Variants in SHC2 observed in about 807,000 individuals in gnomAD.
The protein encoded by SHC2 is SHC-transforming protein 2.
SHC2 carries 62 observed loss-of-function variants against 60.6 expected under a neutral mutation model. The ratio of observed to expected loss-of-function variants is 1.02; its 90% CI spans 0.83 to 1.26. The LOEUF (loss-of-function observed/expected upper bound fraction) is 1.26. Ranked by LOEUF, SHC2 falls within the 50% of genes most tolerant of loss-of-function variation. The pLI, the probability that SHC2 is intolerant of heterozygous loss-of-function variation, is 0.00. For missense variants in SHC2, 873 were observed against 822.2 expected (o/e 1.06, Z -0.76); for synonymous variants, 375 against 372.4 (o/e 1.01, Z -0.08).
chr19:450,199 C>A (rs1041038394), intron 1 of SHC2, among the ~76,000 whole-genome samples: 2 of 152,260 alleles, frequency 1.3e-5, no homozygotes, highest in East Asian at 3.9e-4. Context: ...ACAATGACAC[C>A]GAACTGTCCC....
At chr19:457,130 A>G (rs1600330841) in intron 1 of SHC2, among the ~76,000 whole-genome samples, 1 of 139,068 alleles carries the variant, frequency 7.2e-6, no homozygotes, top group African/African-American at 2.8e-5. Flanking sequence ...TGCCCCGACT[A>G]GAACTCTGTC....
In SHC2 at chr19:424,193, C is replaced by A. The variant is rs1974351096; in HGVS notation, c.1309+904G>T. ...GAGGCTGCAGGAAATCAGGAGAGAACTCTGGACACCTCAGCCAAGGAAGGA... is the reference window on the plus strand; with the variant it reads ...GAGGCTGCAGGAAATCAGGAGAGAAATCTGGACACCTCAGCCAAGGAAGGA... On this transcript the variant is annotated intron_variant, in intron 10 of 12. Transcript: ENST00000264554. This position sits in a 1 kb window ranked among gnomAD's most constrained non-coding sequence, Gnocchi z 4.5. Among the ~76,000 whole-genome samples, 1 of 152,200 alleles carries A rather than the reference C, an allele frequency of 6.6e-6. No homozygotes were observed. Among genetic ancestry groups the A allele is most frequent in the African/African-American group, 2.4e-5 (1 of 41,456 alleles).
intron 12 of SHC2, among the ~76,000 whole-genome samples, chr19:417,833 AGGCCGC>A (rs1974187565): frequency 6.6e-6 from 1 of 151,950 alleles, no homozygotes; most frequent in Non-Finnish European, 1.5e-5. Context: ...GGCTGGGTGG[AGGCCGC>A]GGCCGCATAG....
chr19:437,989 T>G (rs746955108), intron 4 of SHC2, among the ~76,000 whole-genome samples: 35 of 152,250 alleles, frequency 2.3e-4, no homozygotes, highest in Non-Finnish European at 3.8e-4. Flanking sequence ...TAGTTTTTTG[T>G]TTTTTGGTTT....
At chr19:421,692 G>A (rs1373875174) in intron 11 of SHC2, among the ~76,000 whole-genome samples, 1 of 152,174 alleles carries the variant, frequency 6.6e-6, no homozygotes, top group Non-Finnish European at 1.5e-5. Context: ...GCCAAGGCAG[G>A]AGGATCACTT....
rs1270916335 is a variant in SHC2, at chr19:424,106, G to A, written c.1309+991C>T. On this transcript the variant is annotated intron_variant, in intron 10 of 12. Coordinates refer to ENST00000264554, the MANE Select transcript of SHC2 (RefSeq NM_012435.3). The surrounding 1 kb of genome is among the most constrained non-coding windows in gnomAD (Gnocchi z 4.5). ...TAGCTTGGGAGGCATCCTGAGCTCA[G>A]GCAAGGACCCTACCCGGCAGCTCAG... Among the ~76,000 whole-genome samples, 2 of 152,188 alleles carry A rather than the reference G, an allele frequency of 1.3e-5. No homozygotes were observed. The highest frequency in any genetic ancestry group is 2.9e-5 in the Non-Finnish European group (2 of 68,040).
chr19:451,227 G>A (rs1975185861), intron 1 of SHC2, among the ~76,000 whole-genome samples: 2 of 103,636 alleles, frequency 1.9e-5, no homozygotes, highest in Admixed American at 1.0e-4. Flanking sequence ...CCACGCCGTG[G>A]CCACGTCATA....
Position 422,369 on chromosome 19 carries a change from G to A in SHC2, c.1397C>T (p.Pro466Leu). 3.7e-6 allele frequency: 6 copies of A among 1,604,032 alleles called. No homozygotes were observed. Among genetic ancestry groups the A allele is most frequent in the Non-Finnish European group, 5.1e-6 (6 of 1,176,116 alleles). Residue 466 changes from proline (P) to leucine (L), a missense_variant, in exon 11 of 13, where the codon CCC (proline) becomes CTC (leucine). Pro to Leu is a moderately conservative substitution (Grantham distance 98). Coordinates refer to ENST00000264554, the MANE Select transcript of SHC2 (RefSeq NM_012435.3). This position sits in a 1 kb window ranked among gnomAD's most constrained non-coding sequence, Gnocchi z 5.0. ...AGGGGCCCGGCGGGTAGGGGGGCTG[G>A]GCCACTGGTCCTCCAAGGGAAGAGG... ...AAPLPLEDQW[P>L]SPPTRRAPVA...
Position 445,624 on chromosome 19 carries a change from G to A in SHC2, c.469-4692C>T, listed in dbSNP as rs1975034228. On this transcript the variant is annotated intron_variant, in intron 1 of 12. Transcript: ENST00000264554. The surrounding 1 kb of genome is among the most constrained non-coding windows in gnomAD (Gnocchi z 4.4). ...TGGTGAGTGTGGGCCTGTGGTCCCA[G>A]CTACTCAGGAGGCTGAGGTGGGAGG... Among the ~76,000 whole-genome samples, 1 of 152,210 alleles carries A rather than the reference G, an allele frequency of 6.6e-6. No individual in the cohort carries two copies. The highest frequency in any genetic ancestry group is 6.5e-5 in the Admixed American group (1 of 15,286).
chr19:426,931 TG>T (rs2145699087), intron 9 of SHC2, among the ~76,000 whole-genome samples: 1 of 151,938 alleles, frequency 6.6e-6, no homozygotes, highest in Admixed American at 6.6e-5. Context: ...ACCCGCGCTA[TG>T]GGCACATTTG....
chr19:423,157 C>G lies in SHC2; in HGVS notation c.1310-701G>C, dbSNP rs141140179. ...CCCTGACCCTCACTCCCTGGTCTCC[C>G]GCCCCTCCAGCTCCTGGTCCTGGGG... On this transcript the variant is annotated intron_variant, in intron 10 of 12. Coordinates refer to ENST00000264554, the MANE Select transcript of SHC2 (RefSeq NM_012435.3). Among the ~76,000 whole-genome samples the G allele has an allele frequency of 5.0e-3, 617 of 124,518 alleles. 2 individuals carry two copies. The highest frequency in any genetic ancestry group is 0.037 in the East Asian group (119 of 3,198). The allele number at this position is 124,518 out of a possible 152,430, so 81.7% of individuals were successfully genotyped here. A position where few individuals can be genotyped will look rare whatever the true frequency, so the allele number is the denominator to read the frequency against.
chr19:427,956 G>C (rs1261222643), intron 9 of SHC2, among the ~76,000 whole-genome samples: 1 of 150,674 alleles, frequency 6.6e-6, no homozygotes, highest in Admixed American at 6.6e-5. Flanking sequence ...TGGCACAGGG[G>C]AGGGGACGGC....
At chr19:427,070 C>T (rs879256579) in intron 9 of SHC2, among the ~76,000 whole-genome samples, 3 of 152,232 alleles carry the variant, frequency 2.0e-5, no homozygotes, top group Non-Finnish European at 4.4e-5. Context: ...CCCAGAGGAA[C>T]GTGCGCCAGG....
Position 460,838 on chromosome 19 carries a change from C to A in SHC2, c.159G>T (p.Ala53=), listed in dbSNP as rs1386241955. 1.0e-6 allele frequency: 1 copy of A among 983,712 alleles called. No individual in the cohort carries two copies. Among genetic ancestry groups the A allele is most frequent in the Non-Finnish European group, 1.2e-6 (1 of 830,640 alleles). The allele number at this position is 983,712 out of a possible 1,614,324, so 60.9% of individuals were successfully genotyped here. ...FLGRGPAAAR[A]AGASGGADPQ... ...GGTCCGCGCCCCCCGAGGCCCCAGC[C>A]GCCCGCGCCGCCGCCGGGCCGCGGC... is the stretch of plus-strand genomic sequence containing the variant. The change falls in exon 1 of 13, where the codon GCG becomes GCT. Residue 53 remains alanine, a synonymous_variant. Transcript: ENST00000264554.
chr19:429,523 G>A (rs1974510839), intron 9 of SHC2, among the ~76,000 whole-genome samples: 1 of 149,090 alleles, frequency 6.7e-6, no homozygotes, highest in Non-Finnish European at 1.5e-5. Flanking sequence ...CTAACACCGT[G>A]TGGATGACGC....
At chr19:444,646 G>A (rs1975007185) in intron 1 of SHC2, among the ~76,000 whole-genome samples, 1 of 152,198 alleles carries the variant, frequency 6.6e-6, no homozygotes, top group African/African-American at 2.4e-5. Flanking sequence ...GATCAGCCAG[G>A]TAAACACACG....
chr19:420,485 G>A (rs1366234764), intron 11 of SHC2, among the ~76,000 whole-genome samples: 2 of 152,194 alleles, frequency 1.3e-5, no homozygotes, highest in Non-Finnish European at 2.9e-5. Flanking sequence ...GCAGCCCTCG[G>A]ACGCTCAAAA....
intron 1 of SHC2, among the ~76,000 whole-genome samples, chr19:448,891 G>A (rs1404720769): frequency 2.0e-5 from 3 of 151,984 alleles, no homozygotes; most frequent in South Asian, 4.2e-4. Flanking sequence ...AGTGGCTCAC[G>A]CCTCTAATCC....
chr19:418,801 C>T (rs1974208059), intron 12 of SHC2, 122 bp downstream of exon 12: 5 of 1,082,220 alleles, frequency 4.6e-6, no homozygotes, highest in Non-Finnish European at 6.4e-6. Context: ...GGATGCTGAA[C>T]ACCCCTGAGT....
Sources: gnomAD v4.1 joint callset for allele counts (sites outside exome capture counted in the v4.1 genomes callset) on GRCh38, gnomAD v4.1.1 for gene constraint, Gnocchi (gnomAD v3.1) non-coding constraint, MANE v1.5 for transcripts, NCBI Gene and HGNC (gene_info 2026-07-23, HGNC 2026-07-21) for gene names.